The following NPAS3 variants were observed in gnomAD, a reference collection of about 807,000 sequenced individuals.
NPAS3 encodes neuronal PAS domain protein 3.
In NPAS3, 14 loss-of-function variants were observed where a neutral mutation model predicts 73.1. The observed-to-expected ratio is 0.19, with a 90% CI of 0.13 to 0.30. The LOEUF is 0.30. Among genes scored for constraint, NPAS3 ranks in the 10% least tolerant of loss-of-function variants. NPAS3 has a pLI of 1.00. For missense variants in NPAS3, 1,096 were observed against 1,250.0 expected (o/e 0.88, Z 1.86); for synonymous variants, 620 against 541.5 (o/e 1.14, Z -2.01).
At chr14:33,683,978 C>G (rs1411820296) in intron 6 of NPAS3, among the ~76,000 whole-genome samples, 1 of 152,110 alleles carries the variant, frequency 6.6e-6, no homozygotes, top group African/African-American at 2.4e-5. Flanking sequence ...TGTCTTACAG[C>G]TGGAGGAAAA....
intron 4 of NPAS3, among the ~76,000 whole-genome samples, chr14:33,466,863 A>G (rs1422873536): frequency 1.3e-5 from 2 of 152,160 alleles, no homozygotes; most frequent in African/African-American, 4.8e-5. Flanking sequence ...GTCACCTCCT[A>G]CAGGCCCCAC....
chr14:33,751,485 T>C (rs1418583186), intron 7 of NPAS3, among the ~76,000 whole-genome samples: 1 of 152,178 alleles, frequency 6.6e-6, no homozygotes, highest in Non-Finnish European at 1.5e-5. Context: ...CTGTATGCAT[T>C]GAAAGCTGGC....
At chr14:33,694,180 C>G (rs1296571749) in intron 6 of NPAS3, among the ~76,000 whole-genome samples, 2 of 143,312 alleles carry the variant, frequency 1.4e-5, no homozygotes, top group East Asian at 1.9e-4. Flanking sequence ...CATCTGCAAC[C>G]CCCTCGCCCC....
chr14:33,735,668 C>A (rs2061505419), intron 7 of NPAS3, among the ~76,000 whole-genome samples: 1 of 152,096 alleles, frequency 6.6e-6, no homozygotes, highest in African/African-American at 2.4e-5. Flanking sequence ...TGCTCTAGGA[C>A]TGCTACTTAG....
intron 5 of NPAS3, among the ~76,000 whole-genome samples, chr14:33,647,861 G>A (rs2058878609): frequency 6.6e-6 from 1 of 152,134 alleles, no homozygotes; most frequent in African/African-American, 2.4e-5. Flanking sequence ...AGATAAACAT[G>A]TAAACCTATA....
intron 2 of NPAS3, among the ~76,000 whole-genome samples, chr14:33,203,920 C>A (rs987388843): frequency 6.6e-6 from 1 of 152,186 alleles, no homozygotes; most frequent in Non-Finnish European, 1.5e-5. Flanking sequence ...AACGGTTGAA[C>A]TAGTTTACAG....
chr14:33,694,495 A>G lies in NPAS3; in HGVS notation c.733+18110A>G, dbSNP rs2060320031. Among the ~76,000 whole-genome samples, 3 of 152,278 alleles carry G rather than the reference A, an allele frequency of 2.0e-5. No individual in the cohort carries two copies. In the South Asian group the frequency reaches 6.2e-4, roughly 32 times the overall value. ...TTTAATAGTCAAAGGAGCTCTTCCC[A>G]TTGGTATTCTACACAAGAAGTGATA... On this transcript the variant is annotated intron_variant, in intron 6 of 11. Coordinates refer to ENST00000356141, the Ensembl canonical transcript of NPAS3.
At chr14:33,144,091 G>A (rs755555039) in intron 2 of NPAS3, among the ~76,000 whole-genome samples, 71 of 152,248 alleles carry the variant, frequency 4.7e-4, no homozygotes, top group Middle Eastern at 6.8e-3. Context: ...TGGAATTGCC[G>A]GGTCATGTGG....
intron 4 of NPAS3, among the ~76,000 whole-genome samples, chr14:33,456,418 G>T (rs796212757): frequency 6.6e-6 from 1 of 152,140 alleles, no homozygotes; most frequent in Non-Finnish European, 1.5e-5. Flanking sequence ...CAACATGCAT[G>T]AAATTTTAAA....
At chr14:33,538,839 C>CT (rs1048217671) in intron 4 of NPAS3, among the ~76,000 whole-genome samples, 2 of 152,162 alleles carry the variant, frequency 1.3e-5, no homozygotes, top group African/African-American at 2.4e-5. Context: ...AGACCCTACA[C>CT]TTTTTTCTTG....
chr14:33,461,496 A>G (rs558250076), intron 4 of NPAS3, among the ~76,000 whole-genome samples: 1 of 152,342 alleles, frequency 6.6e-6, no homozygotes, highest in South Asian at 2.1e-4. Flanking sequence ...AAACATCTTA[A>G]ATATGTTCAC....
At chr14:33,569,190 A>C (rs1362907066) in intron 5 of NPAS3, among the ~76,000 whole-genome samples, 1 of 152,160 alleles carries the variant, frequency 6.6e-6, no homozygotes, top group Non-Finnish European at 1.5e-5. Context: ...AATTCACCAC[A>C]TTCAATAATA....
At chr14:33,164,862 A>G (rs750948417) in intron 2 of NPAS3, among the ~76,000 whole-genome samples, 3 of 150,166 alleles carry the variant, frequency 2.0e-5, no homozygotes, top group Non-Finnish European at 4.4e-5. Context: ...TTTCCTGTCA[A>G]TTCACTGACT....
intron 3 of NPAS3, among the ~76,000 whole-genome samples, chr14:33,244,041 T>C (rs1196296019): frequency 1.3e-5 from 2 of 152,106 alleles, no homozygotes; most frequent in Non-Finnish European, 2.9e-5. Flanking sequence ...TCTGTGCACA[T>C]AGCTTTGTTT....
chr14:33,354,430 C>G (rs1421440671), intron 3 of NPAS3, among the ~76,000 whole-genome samples: 1 of 152,202 alleles, frequency 6.6e-6, no homozygotes, highest in Non-Finnish European at 1.5e-5. Flanking sequence ...CTCTGGCTGT[C>G]TGCACTCAGG....
intron 4 of NPAS3, among the ~76,000 whole-genome samples, chr14:33,525,139 C>A (rs1464371057): frequency 5.9e-5 from 9 of 151,948 alleles, no homozygotes; most frequent in Admixed American, 5.9e-4. Context: ...GAAAAATGTT[C>A]TAAAAAAGGG....
At chr14:33,383,088 TAAAAAAAA>T (rs34877774) in intron 4 of NPAS3, among the ~76,000 whole-genome samples, 13 of 104,278 alleles carry the variant, frequency 1.2e-4, no homozygotes, top group Admixed American at 6.2e-4. Context: ...GACCCTGTCT[TAAAAAAAA>T]AAAAAAAAAA....
intron 5 of NPAS3, among the ~76,000 whole-genome samples, chr14:33,622,029 C>A (rs2058090120): frequency 6.6e-6 from 1 of 152,124 alleles, no homozygotes; most frequent in Non-Finnish European, 1.5e-5. Flanking sequence ...CTGAAAGGCG[C>A]AATGAATGAC....
intron 2 of NPAS3, among the ~76,000 whole-genome samples, chr14:33,148,052 A>G (rs988403664): frequency 1.3e-5 from 2 of 152,092 alleles, no homozygotes; most frequent in African/African-American, 4.8e-5. Context: ...CAAATGAGGG[A>G]AAGTTCACCT....
Sources: allele counts gnomAD v4.1 joint callset (sites outside exome capture counted in the v4.1 genomes callset), GRCh38; gene constraint gnomAD v4.1.1; transcripts MANE v1.5; gene names NCBI Gene and HGNC (gene_info 2026-07-23, HGNC 2026-07-21).